Variants in C2orf76 observed in about 807,000 individuals in gnomAD.
C2orf76 encodes chromosome 2 open reading frame 76.
C2orf76 carries 23 observed loss-of-function variants against 16.9 expected under a neutral mutation model. The observed-to-expected ratio is 1.36, with a 90% CI of 0.98 to 1.93. The LOEUF (loss-of-function observed/expected upper bound fraction) is 1.93. Ranked by LOEUF, C2orf76 falls within the 30% of genes most tolerant of loss-of-function variation. The pLI is 0.00. For synonymous variants in C2orf76, 48 were observed against 52.3 expected (o/e 0.92, Z 0.35); for missense variants, 152 against 152.6 (o/e 1.00, Z 0.02).
intron 1 of C2orf76, among the ~76,000 whole-genome samples, chr2:119,350,549 G>A (rs1449580794): frequency 6.6e-6 from 1 of 152,196 alleles, no homozygotes; most frequent in Non-Finnish European, 1.5e-5. Flanking sequence ...TGCCTTGCAT[G>A]GAAGTCCCAG....
At chr2:119,286,351 G>A in the C2orf76 span, among the ~76,000 whole-genome samples, 1 of 152,142 alleles carries the variant, frequency 6.6e-6, no homozygotes, top group Non-Finnish European at 1.5e-5. Flanking sequence ...TGCTGGGAAG[G>A]TGGGATGGAA....
chr2:119,359,587 C>T (rs1421756206), intron 1 of C2orf76, among the ~76,000 whole-genome samples: 1 of 152,120 alleles, frequency 6.6e-6, no homozygotes, highest in Non-Finnish European at 1.5e-5. Flanking sequence ...GGACTCCAAC[C>T]TTCATGGATG....
At chr2:119,293,405 T>C in the C2orf76 span, among the ~76,000 whole-genome samples, 50 of 152,336 alleles carry the variant, frequency 3.3e-4, no homozygotes, top group African/African-American at 1.1e-3. Context: ...GTTTACCAGC[T>C]GGCCCTGGGG....
intron 4 of C2orf76, among the ~76,000 whole-genome samples, chr2:119,312,734 A>C (rs1434359096): frequency 6.6e-6 from 1 of 151,926 alleles, no homozygotes; most frequent in Non-Finnish European, 1.5e-5. Context: ...GTGAAAATTT[A>C]AACTTGCTAT....
At chr2:119,307,961 T>C (rs1678851746) in intron 5 of C2orf76, among the ~76,000 whole-genome samples, 1 of 152,202 alleles carries the variant, frequency 6.6e-6, no homozygotes. Flanking sequence ...CCGGATGCCT[T>C]CATTGTTTTA....
intron 2 of C2orf76, among the ~76,000 whole-genome samples, chr2:119,333,584 C>A (rs960807443): frequency 6.6e-6 from 1 of 152,162 alleles, no homozygotes; most frequent in African/African-American, 2.4e-5. Flanking sequence ...TAAAGGCCAG[C>A]GAGTCAGCAT....
intron 3 of C2orf76, among the ~76,000 whole-genome samples, chr2:119,318,882 T>C (rs1679260014): frequency 1.3e-5 from 2 of 151,956 alleles, no homozygotes. Context: ...TCCTAAGAAA[T>C]AAAAATAAAT....
intron 1 of C2orf76, among the ~76,000 whole-genome samples, chr2:119,352,347 G>A (rs528723657): frequency 6.6e-6 from 1 of 152,284 alleles, no homozygotes; most frequent in African/African-American, 2.4e-5. Flanking sequence ...CTTTCAAAAA[G>A]GGAAGGTTCT....
At chr2:119,365,125 C>G (rs984006603) in intron 1 of C2orf76, among the ~76,000 whole-genome samples, 1 of 152,072 alleles carries the variant, frequency 6.6e-6, no homozygotes, top group Admixed American at 6.6e-5. Flanking sequence ...AAACTAAAAG[C>G]AACTGATCTT....
intron 1 of C2orf76, among the ~76,000 whole-genome samples, chr2:119,362,504 T>C (rs1219497649): frequency 1.3e-5 from 2 of 152,224 alleles, no homozygotes; most frequent in Non-Finnish European, 2.9e-5. Context: ...AGGAGCTAAA[T>C]AGGCAAAGAT....
chr2:119,342,893 G>T (rs768478830), intron 1 of C2orf76, among the ~76,000 whole-genome samples: 12 of 151,918 alleles, frequency 7.9e-5, no homozygotes, highest in Middle Eastern at 3.4e-3. Flanking sequence ...CGTCAGCCTC[G>T]TGAGTAGCTG....
At chr2:119,311,231 A>G in intron 5 of C2orf76, 1 of 985,450 alleles carries the variant, frequency 1.0e-6, no homozygotes, top group Non-Finnish European at 1.2e-6. Context: ...ACCACACTGC[A>G]TGTGATACCA....
At chr2:119,317,323 G>A (rs1346720174) in intron 4 of C2orf76, 143 bp downstream of exon 4, 10 of 482,730 alleles carry the variant, frequency 2.1e-5, no homozygotes, top group Non-Finnish European at 3.5e-5. Flanking sequence ...AAAAGCTAAG[G>A]CAGTAAAAAG....
At chr2:119,322,093 C>A (rs1377279403) in intron 2 of C2orf76, among the ~76,000 whole-genome samples, 2 of 151,836 alleles carry the variant, frequency 1.3e-5, no homozygotes, top group African/African-American at 4.8e-5. Flanking sequence ...GGTACAACAC[C>A]TAACAGAGAA....
At chr2:119,307,583 GATA>G (rs1047428608) in intron 5 of C2orf76, among the ~76,000 whole-genome samples, 1 of 151,976 alleles carries the variant, frequency 6.6e-6, no homozygotes, top group Admixed American at 6.6e-5. Flanking sequence ...CACCACTCTA[GATA>G]ACAAAGAGAA....
chr2:119,317,642 T>A, intron 3 of C2orf76, 139 bp from the exon 4 acceptor site: 3 of 523,422 alleles, frequency 5.7e-6, no homozygotes, highest in Non-Finnish European at 6.5e-6. Context: ...AGAAATATAC[T>A]ATACAGCAAA....
chr2:119,296,285 AT>A, the C2orf76 span, among the ~76,000 whole-genome samples: 1 of 152,188 alleles, frequency 6.6e-6, no homozygotes, highest in Non-Finnish European at 1.5e-5. Context: ...AATCAAGTCA[AT>A]ATTCCACTTC....
the C2orf76 span, among the ~76,000 whole-genome samples, chr2:119,287,690 T>C: frequency 3.3e-5 from 5 of 152,304 alleles, no homozygotes; most frequent in East Asian, 9.6e-4. Context: ...GGCAGAAATT[T>C]TTAACTGACA....
chr2:119,358,388 C>T (rs925489902), intron 1 of C2orf76, among the ~76,000 whole-genome samples: 2 of 151,976 alleles, frequency 1.3e-5, no homozygotes, highest in African/African-American at 4.8e-5. Context: ...ACCAGCCTGA[C>T]CAACATGGAG....
Sources: allele counts gnomAD v4.1 joint callset (sites outside exome capture counted in the v4.1 genomes callset), GRCh38; gene constraint gnomAD v4.1.1; transcripts MANE v1.5; gene names NCBI Gene and HGNC (gene_info 2026-07-23, HGNC 2026-07-21).